Variants in CACNA1I observed in about 807,000 individuals in gnomAD.
CACNA1I encodes voltage-dependent T-type calcium channel subunit alpha-1I.
Under a neutral mutation model 201.6 loss-of-function variants are expected in CACNA1I, and 74 were observed. The ratio of observed to expected loss-of-function variants is 0.37; its 90% CI spans 0.30 to 0.45. CACNA1I has a LOEUF of 0.45. Ranked by LOEUF, CACNA1I falls within the 20% of genes least tolerant of loss-of-function variation. CACNA1I has a pLI of 1.00. For missense variants in CACNA1I, 2,346 were observed against 3,138.1 expected (o/e 0.75, Z 6.03); for synonymous variants, 1,431 against 1,345.2 (o/e 1.06, Z -1.40).
At chr22:39,571,822 G>T (rs886557637) in intron 1 of CACNA1I, among the ~76,000 whole-genome samples, 1 of 152,240 alleles carries the variant, frequency 6.6e-6, no homozygotes, top group Admixed American at 6.5e-5. Flanking sequence ...TCTAACATTT[G>T]CCTCCCCTGG....
chr22:39,623,237 G>A (rs893540366), intron 4 of CACNA1I, among the ~76,000 whole-genome samples: 5 of 151,918 alleles, frequency 3.3e-5, no homozygotes, highest in South Asian at 2.1e-4. Flanking sequence ...GTGTGAGGAC[G>A]TGTGTGCACG....
Position 39,659,889 on chromosome 22 carries a change from G to C in CACNA1I, c.2604+37G>C. On this transcript the variant is annotated intron_variant, in intron 14 of 36. Coordinates refer to ENST00000402142, the MANE Select transcript of CACNA1I (RefSeq NM_021096.4). The surrounding 1 kb of genome is among the most constrained non-coding windows in gnomAD (Gnocchi z 4.3). ...CTTGGCAGAGGAAGCACCCCCACAG[G>C]GTCTGCGAAAGACTGGGCGAGGGAG... 6.2e-7 allele frequency: 1 copy of C among 1,612,840 alleles called. No homozygotes were observed. The highest frequency in any genetic ancestry group is 8.5e-7 in the Non-Finnish European group (1 of 1,179,262).
Position 39,662,326 on chromosome 22 carries a change from C to G in CACNA1I, c.3263C>G (p.Ala1088Gly). ...GCCGCCTGGAGGGCGGCAGGCCCGG[C>G]CCCCGGGCATGAGGACTGCAATGGC... ...PRAAWRAAGP[A>G]PGHEDCNGRM... Residue 1088 changes from alanine to glycine, a missense_variant, in exon 17 of 37, where the codon GCC becomes GGC. This residue lies in a region of CACNA1I where 288 missense variants were observed against 255.2 expected (regional missense o/e 1.13). Transcript: ENST00000402142. 1 of 1,476,950 alleles carries G rather than the reference C, an allele frequency of 6.8e-7. No homozygotes were observed. The highest frequency in any genetic ancestry group is 2.8e-5 in the East Asian group (1 of 35,676). 91.5% of individuals were successfully genotyped at this position (1,476,950 alleles called of 1,614,324 possible).
At position 39,649,082 on chromosome 22, in the gene CACNA1I, C is replaced by T. The variant is rs1384167506; in HGVS notation, c.1568-419C>T. 6.6e-6 allele frequency among the ~76,000 whole-genome samples: 1 copy of T among 152,192 alleles called. No homozygotes were observed. The highest frequency in any genetic ancestry group is 1.9e-4 in the East Asian group (1 of 5,188). ...AACACCAAGTCCACCATGGCCTTCT[C>T]TGACGGGGGCTGCCCCCACATTGGC... is the stretch of plus-strand genomic sequence containing the variant. On this transcript the variant is annotated intron_variant, in intron 9 of 36. Coordinates refer to ENST00000402142, the MANE Select transcript of CACNA1I (RefSeq NM_021096.4). This position sits in a 1 kb window ranked among gnomAD's most constrained non-coding sequence, Gnocchi z 7.3.
intron 4 of CACNA1I, among the ~76,000 whole-genome samples, chr22:39,619,668 G>C (rs141436478): frequency 6.6e-6 from 1 of 152,290 alleles, no homozygotes; most frequent in East Asian, 1.9e-4. Context: ...GAGCATGCTG[G>C]GGAGTCTGGC....
chr22:39,679,695 G>C, intron 32 of CACNA1I, 27 bp from the exon 33 acceptor site: 1 of 1,596,348 alleles, frequency 6.3e-7, no homozygotes, highest in Non-Finnish European at 8.5e-7. Context: ...AATCCCGCCT[G>C]TCCCCACCCC....
At chr22:39,618,391 CTG>C (rs977440282) in intron 3 of CACNA1I, among the ~76,000 whole-genome samples, 5 of 144,474 alleles carry the variant, frequency 3.5e-5, no homozygotes, top group South Asian at 2.2e-4. Flanking sequence ...ATGGGTGTGA[CTG>C]TGGGTGTGTG....
chr22:39,582,373 C>G (rs534153431), intron 1 of CACNA1I, among the ~76,000 whole-genome samples: 1 of 152,060 alleles, frequency 6.6e-6, no homozygotes, highest in Non-Finnish European at 1.5e-5. Flanking sequence ...GTTGCTCCAA[C>G]GTGGGGAGGA....
chr22:39,573,397 C>G (rs143604538), intron 1 of CACNA1I, among the ~76,000 whole-genome samples: 1 of 152,068 alleles, frequency 6.6e-6, no homozygotes, highest in Non-Finnish European at 1.5e-5. Context: ...GACCCAGCTG[C>G]GTCTCTGATG....
intron 35 of CACNA1I, among the ~76,000 whole-genome samples, chr22:39,683,135 C>G (rs559108218): frequency 1.7e-4 from 26 of 152,328 alleles, no homozygotes; most frequent in African/African-American, 5.8e-4. Context: ...ATCCTTCAGC[C>G]CTACCTGCAG....
chr22:39,636,188 G>T (rs1203966645), intron 5 of CACNA1I, among the ~76,000 whole-genome samples: 1 of 152,208 alleles, frequency 6.6e-6, no homozygotes. Flanking sequence ...TGGAGACTCT[G>T]CGTCCCGTTC....
At chr22:39,641,659 T>C (rs1025105081) in intron 6 of CACNA1I, among the ~76,000 whole-genome samples, 11 of 152,224 alleles carry the variant, frequency 7.2e-5, no homozygotes, top group Non-Finnish European at 1.5e-5. Context: ...GAAAGAAATG[T>C]GTCTCGCCTT....
chr22:39,601,999 T>C (rs1933069386), intron 3 of CACNA1I, among the ~76,000 whole-genome samples: 1 of 9,338 alleles, frequency 1.1e-4, no homozygotes, highest in Non-Finnish European at 2.3e-4. Flanking sequence ...CTTCCTTCCT[T>C]CCCTCCTTCC....
intron 24 of CACNA1I, 125 bp from the exon 25 acceptor site, chr22:39,669,913 C>A (rs1320614719): frequency 1.9e-6 from 2 of 1,061,072 alleles, no homozygotes; most frequent in East Asian, 2.4e-5. Context: ...TTAGACCTCA[C>A]AGCCACCTTC....
chr22:39,679,115 G>A lies in CACNA1I; in HGVS notation c.5064G>A (p.Leu1688=). Residue 1688 remains leucine, a synonymous_variant, in exon 32 of 37, where the codon CTG becomes CTA. Transcript: ENST00000402142. ...DNWNGIMKDT[L]RDCTHDERSC... The stretch of plus-strand genomic sequence containing the variant: ...CCCTCCCTGCCACGCAGGACACGCT[G>A]CGGGACTGCACCCACGACGAGCGCA... 6.3e-7 allele frequency: 1 copy of A among 1,591,248 alleles called. No homozygotes were observed. The highest frequency in any genetic ancestry group is 1.3e-5 in the African/African-American group (1 of 74,400).
chr22:39,662,367 G>A lies in CACNA1I; in HGVS notation c.3304G>A (p.Ala1102Thr), dbSNP rs57288507. 77 of 1,481,880 alleles carry A rather than the reference G, an allele frequency of 5.2e-5. No homozygotes were observed. The Middle Eastern group carries it at 7.7e-4, about 15-fold the overall frequency. The allele number at this position is 1,481,880 out of a possible 1,614,324, so 91.8% of individuals were successfully genotyped here. ...EDCNGRMPSIAKDVFTKMGDR... is the reference protein window; with the variant it reads ...EDCNGRMPSITKDVFTKMGDR... ...CTGCAATGGCAGGATGCCCAGCATC[G>A]CCAAAGACGTCTTCACCAAGATGGG... Residue 1102 changes from alanine to threonine, a missense_variant, in exon 17 of 37, where the codon GCC becomes ACC. By Grantham distance (58) the Ala-to-Thr change is moderately conservative. This residue lies in a region of CACNA1I where 288 missense variants were observed against 255.2 expected (regional missense o/e 1.13). Coordinates refer to ENST00000402142, the MANE Select transcript of CACNA1I (RefSeq NM_021096.4).
chr22:39,608,256 T>C (rs1933278743), intron 3 of CACNA1I, among the ~76,000 whole-genome samples: 1 of 152,054 alleles, frequency 6.6e-6, no homozygotes, highest in Admixed American at 6.6e-5. Context: ...TGAGCCAAGA[T>C]TGCACTCCTA....
intron 33 of CACNA1I, 23 bp from the exon 34 acceptor site, chr22:39,680,907 G>C (rs192074025): frequency 2.5e-6 from 4 of 1,600,912 alleles, no homozygotes; most frequent in Non-Finnish European, 3.4e-6. Context: ...TGGGTGACCC[G>C]AGGCCACCCC....
intron 4 of CACNA1I, among the ~76,000 whole-genome samples, chr22:39,621,928 C>A (rs1333582913): frequency 6.6e-6 from 1 of 152,148 alleles, no homozygotes; most frequent in African/African-American, 2.4e-5. Flanking sequence ...CCTTGAAGAT[C>A]ACCTAGTTCA....
Sources: allele counts gnomAD v4.1 joint callset (sites outside exome capture counted in the v4.1 genomes callset), GRCh38; gene constraint gnomAD v4.1.1; regional missense constraint gnomAD v4.1.1; non-coding constraint Gnocchi (gnomAD v3.1); transcripts MANE v1.5; gene names NCBI Gene and HGNC (gene_info 2026-07-23, HGNC 2026-07-21).